Variants in EEF1AKMT2 observed in about 807,000 individuals in gnomAD.
EEF1AKMT2 encodes the protein EEF1A lysine methyltransferase 2.
Under a neutral mutation model 35.8 loss-of-function variants are expected in EEF1AKMT2, and 32 were observed. The observed-to-expected ratio is 0.89, with a 90% CI of 0.67 to 1.20. EEF1AKMT2 has a LOEUF of 1.20. Ranked by LOEUF, EEF1AKMT2 falls within the 50% of genes most tolerant of loss-of-function variation. The pLI, the probability that EEF1AKMT2 is intolerant of heterozygous loss-of-function variation, is 0.00. For missense variants in EEF1AKMT2, 330 were observed against 347.5 expected (o/e 0.95, Z 0.40); for synonymous variants, 121 against 133.7 (o/e 0.91, Z 0.65).
Position 124,791,884 on chromosome 10 carries a change from A to C in EEF1AKMT2, c.-51T>G. ...TGGGGCCGCCATAGAGACGGGGCAC[A>C]GGCAGAGCGGACGAGCGGACCGGCG... On this transcript the variant is annotated 5_prime_UTR_variant, in exon 1 of 7. Transcript: ENST00000368836. 1 of 1,514,142 alleles carries C rather than the reference A, an allele frequency of 6.6e-7. No individual in the cohort carries two copies. Among genetic ancestry groups the C allele is most frequent in the Non-Finnish European group, 8.8e-7 (1 of 1,136,158 alleles). The allele number at this position is 1,514,142 out of a possible 1,614,324, so 93.8% of individuals were successfully genotyped here.
intron 3 of EEF1AKMT2, among the ~76,000 whole-genome samples, chr10:124,784,506 T>C (rs1316855381): frequency 6.6e-6 from 1 of 151,920 alleles, no homozygotes; most frequent in Non-Finnish European, 1.5e-5. Flanking sequence ...TTCATAGCAT[T>C]CATAGCATTA....
rs754570356 is a variant in EEF1AKMT2, at chr10:124,791,823, C to G, written c.11G>C (p.Gly4Ala). The change falls in exon 1 of 7, where the codon GGC (glycine) becomes GCC (alanine). Residue 4 changes from glycine (G) to alanine (A), a missense_variant. Gly to Ala is a moderately conservative substitution (Grantham distance 60). Coordinates refer to ENST00000368836, the MANE Select transcript of EEF1AKMT2 (RefSeq NM_212554.4). ...CGCAGCGCCACCGCCGCCGTCAGCG[C>G]CCGAGCTCATTTCGCTCCACGTCCT... MSS[G>A]ADGGGGAAVA... is the part of the protein sequence containing the mutation. The G allele has an allele frequency of 1.3e-5, 21 of 1,581,172 alleles. No homozygotes were observed. Among genetic ancestry groups the G allele is most frequent in the Non-Finnish European group, 1.8e-5 (21 of 1,169,604 alleles).
chr10:124,790,595 T>TA (rs1167057117), intron 1 of EEF1AKMT2, among the ~76,000 whole-genome samples: 4 of 152,076 alleles, frequency 2.6e-5, no homozygotes, highest in African/African-American at 7.2e-5. Context: ...AGTTTTAGCC[T>TA]AAAAAAACAC....
intron 4 of EEF1AKMT2, among the ~76,000 whole-genome samples, chr10:124,773,871 G>C (rs527274303): frequency 9.2e-5 from 14 of 152,108 alleles, no homozygotes; most frequent in African/African-American, 1.9e-4. Flanking sequence ...GGCTCAACAG[G>C]CTTGCCACAA....
chr10:124,772,655 T>C (rs761252750), intron 4 of EEF1AKMT2, among the ~76,000 whole-genome samples: 2 of 152,142 alleles, frequency 1.3e-5, no homozygotes, highest in Non-Finnish European at 2.9e-5. Flanking sequence ...CTTAAACTCC[T>C]GGCCTCAGGT....
chr10:124,791,803 C>T lies in EEF1AKMT2; in HGVS notation c.31G>A (p.Ala11Thr). 1 of 1,587,412 alleles carries T rather than the reference C, an allele frequency of 6.3e-7. No homozygotes were observed. The highest frequency in any genetic ancestry group is 1.3e-5 in the African/African-American group (1 of 74,508). The stretch of plus-strand genomic sequence containing the variant: ...TTGTCCGACCGCGCCGCCACCGCAG[C>T]GCCACCGCCGCCGTCAGCGCCCGAG... The part of the protein sequence containing the change: MSSGADGGGG[A>T]AVAARSDKGS... Residue 11 changes from alanine to threonine, a missense_variant, in exon 1 of 7, where the codon GCT becomes ACT. Ala to Thr is a moderately conservative substitution (Grantham distance 58, BLOSUM62 0). Coordinates refer to ENST00000368836, the MANE Select transcript of EEF1AKMT2 (RefSeq NM_212554.4).
At chr10:124,770,068 A>T (rs1037654972) in intron 4 of EEF1AKMT2, among the ~76,000 whole-genome samples, 1 of 151,734 alleles carries the variant, frequency 6.6e-6, no homozygotes, top group Non-Finnish European at 1.5e-5. Flanking sequence ...GGATCATCTG[A>T]GATCAAGAGT....
chr10:124,784,623 T>A, intron 3 of EEF1AKMT2, among the ~76,000 whole-genome samples: 1 of 151,210 alleles, frequency 6.6e-6, no homozygotes, highest in Non-Finnish European at 1.5e-5. Flanking sequence ...AGAACAGAAC[T>A]CAATGAAATT....
chr10:124,757,038 C>T (rs1481890421), downstream of EEF1AKMT2, among the ~76,000 whole-genome samples: 2 of 151,952 alleles, frequency 1.3e-5, no homozygotes, highest in African/African-American at 4.8e-5. Flanking sequence ...TTTTTTTCCC[C>T]ACTATGCAAT....
intron 3 of EEF1AKMT2, among the ~76,000 whole-genome samples, chr10:124,788,652 A>G (rs2134145652): frequency 6.8e-6 from 1 of 147,496 alleles, no homozygotes; most frequent in East Asian, 2.0e-4. Context: ...TTTTCAAACC[A>G]TATGCTTACC....
In EEF1AKMT2 at chr10:124,765,580, T is replaced by C; in HGVS notation, c.428A>G (p.Gln143Arg). The part of the protein sequence containing the change: ...KVEDFLNLST[Q>R]LSGFHICIDK... Reference sequence around the variant, plus strand: ...AATACAAATATGAAATCCAGACAGCTGTGTGGAGAGATTCAAAAAGTCTTC... The same window carrying C: ...AATACAAATATGAAATCCAGACAGCCGTGTGGAGAGATTCAAAAAGTCTTC... The change falls in exon 5 of 7, where the codon CAG becomes CGG. Residue 143 changes from glutamine to arginine, a missense_variant. Physicochemically the swap from Gln to Arg is conservative, Grantham distance 43 (BLOSUM62 1). Coordinates refer to ENST00000368836, the MANE Select transcript of EEF1AKMT2 (RefSeq NM_212554.4). The C allele has an allele frequency of 6.2e-7, 1 of 1,613,828 alleles. No homozygotes were observed. The highest frequency in any genetic ancestry group is 8.5e-7 in the Non-Finnish European group (1 of 1,179,882).
chr10:124,771,320 T>C lies in EEF1AKMT2; in HGVS notation c.399+3355A>G, dbSNP rs111453435. ...TTCACCATGTTAGCCAGGATGGTCT[T>C]GATCTCCTGACCTTGTGATCCGCCC... On this transcript the variant is annotated intron_variant, in intron 4 of 6. Coordinates refer to ENST00000368836, the MANE Select transcript of EEF1AKMT2 (RefSeq NM_212554.4). 2.8e-3 allele frequency among the ~76,000 whole-genome samples: 422 copies of C among 151,752 alleles called. 6 individuals carry two copies. The highest frequency in any genetic ancestry group is 0.01 in the Middle Eastern group (3 of 294).
intron 6 of EEF1AKMT2, 106 bp from the exon 7 acceptor site, chr10:124,760,609 G>T: frequency 1.2e-6 from 1 of 827,740 alleles, no homozygotes; most frequent in Non-Finnish European, 1.9e-6. Flanking sequence ...GTAAAACTAT[G>T]ATTCCAAACT....
intron 3 of EEF1AKMT2, among the ~76,000 whole-genome samples, chr10:124,779,477 T>C (rs1213604625): frequency 6.9e-6 from 1 of 144,576 alleles, no homozygotes; most frequent in Non-Finnish European, 1.5e-5. Context: ...CTGGGCGCAG[T>C]GGCTCACGCC....
At position 124,774,708 on chromosome 10, in the gene EEF1AKMT2, T is replaced by C; in HGVS notation, c.366A>G (p.Ile122Met). ...PSAIQLSGSIIEKEGLSNIKL... is the reference protein window; with the variant it reads ...PSAIQLSGSIMEKEGLSNIKL... ...TAATGTTAGATAAACCTTCTTTTTC[T>C]ATAATACTTCCAGAAAGCTGAATTG... Residue 122 changes from isoleucine to methionine, a missense_variant, in exon 4 of 7, where the codon ATA becomes ATG. Ile to Met is a conservative substitution (Grantham distance 10). Transcript: ENST00000368836. The C allele has an allele frequency of 6.8e-7, 1 of 1,474,102 alleles. No homozygotes were observed. The highest frequency in any genetic ancestry group is 1.5e-5 in the South Asian group (1 of 65,560). The allele number at this position is 1,474,102 out of a possible 1,614,324, so 91.3% of individuals were successfully genotyped here.
intron 4 of EEF1AKMT2, among the ~76,000 whole-genome samples, chr10:124,771,469 C>T (rs1026020554): frequency 1.2e-4 from 18 of 152,126 alleles, no homozygotes; most frequent in Admixed American, 8.5e-4. Context: ...ACATCCATAG[C>T]CTTATGAAAT....
At chr10:124,771,171 C>T (rs1950430797) in intron 4 of EEF1AKMT2, among the ~76,000 whole-genome samples, 1 of 151,784 alleles carries the variant, frequency 6.6e-6, no homozygotes, top group African/African-American at 2.4e-5. Flanking sequence ...TAGATCTCAG[C>T]TCACTGCAAG....
At chr10:124,765,690 TTAATAA>T in intron 4 of EEF1AKMT2, 82 bp from the exon 5 acceptor site, 1 of 991,422 alleles carries the variant, frequency 1.0e-6, no homozygotes, top group Non-Finnish European at 1.5e-6. Flanking sequence ...TAAAAGGTTA[TTAATAA>T]AAGGACCCAT....
At chr10:124,768,463 G>A (rs1950399561) in intron 4 of EEF1AKMT2, among the ~76,000 whole-genome samples, 1 of 152,098 alleles carries the variant, frequency 6.6e-6, no homozygotes, top group Non-Finnish European at 1.5e-5. Context: ...ACAAAAATTA[G>A]GCCGGGCGCA....
Sources: gnomAD v4.1 joint callset for allele counts (sites outside exome capture counted in the v4.1 genomes callset) on GRCh38, gnomAD v4.1.1 for gene constraint, MANE v1.5 for transcripts, NCBI Gene and HGNC (gene_info 2026-07-23, HGNC 2026-07-21) for gene names.